Variants in CENPW observed in about 807,000 individuals in gnomAD.
CENPW encodes the protein centromere protein W.
In CENPW, 3 loss-of-function variants were observed where a neutral mutation model predicts 11.1. The observed-to-expected ratio is 0.27, with a 90% CI of 0.12 to 0.70. The LOEUF (loss-of-function observed/expected upper bound fraction) is 0.70. CENPW is among the 30% of genes least tolerant of loss of function. The probability of loss-of-function intolerance (pLI) is 0.77; values close to 1 mark genes in which losing one functional copy is unlikely to be tolerated. For missense variants in CENPW, 100 were observed against 105.6 expected (o/e 0.95, Z 0.23); for synonymous variants, 38 against 42.0 (o/e 0.91, Z 0.37).
At chr6:126,444,328 A>AT in the CENPW span, among the ~76,000 whole-genome samples, 1 of 150,112 alleles carries the variant, frequency 6.7e-6, no homozygotes, top group Non-Finnish European at 1.5e-5. Flanking sequence ...TATGTGTTTG[A>AT]TTTTGCTTGC....
the CENPW span, among the ~76,000 whole-genome samples, chr6:126,366,923 T>C: frequency 8.5e-3 from 1,300 of 152,274 alleles, 13 homozygotes; most frequent in African/African-American, 0.03. Flanking sequence ...GAGATGGAAC[T>C]TGCAGCCTAA....
At chr6:126,370,022 A>G in the CENPW span, among the ~76,000 whole-genome samples, 1 of 152,160 alleles carries the variant, frequency 6.6e-6, no homozygotes, top group Non-Finnish European at 1.5e-5. Flanking sequence ...CATTTGTTGA[A>G]TAGGGTGTCC....
the CENPW span, among the ~76,000 whole-genome samples, chr6:126,395,795 A>G: frequency 1.3e-5 from 2 of 152,208 alleles, no homozygotes; most frequent in African/African-American, 4.8e-5. Context: ...TCATAGAGGT[A>G]TCACCTTGGT....
the CENPW span, among the ~76,000 whole-genome samples, chr6:126,409,397 T>A: frequency 6.6e-6 from 1 of 151,728 alleles, no homozygotes; most frequent in Non-Finnish European, 1.5e-5. Flanking sequence ...TGTGAATTCT[T>A]CAGCTGTTGG....
the CENPW span, among the ~76,000 whole-genome samples, chr6:126,394,842 GT>G: frequency 2.8e-4 from 40 of 145,366 alleles, no homozygotes; most frequent in African/African-American, 7.0e-4. Flanking sequence ...TATACTAAAA[GT>G]TTTTTTTTTT....
chr6:126,342,567 A>G (rs866491344), intron 1 of CENPW, among the ~76,000 whole-genome samples: 1 of 151,876 alleles, frequency 6.6e-6, no homozygotes, highest in Non-Finnish European at 1.5e-5. Flanking sequence ...TGTACATGGT[A>G]TTTCTTCTGC....
At chr6:126,440,939 G>A in the CENPW span, among the ~76,000 whole-genome samples, 1 of 151,346 alleles carries the variant, frequency 6.6e-6, no homozygotes, top group Non-Finnish European at 1.5e-5. Flanking sequence ...AGACCACAAC[G>A]GAAGATATTT....
At chr6:126,400,713 G>A in the CENPW span, among the ~76,000 whole-genome samples, 2 of 151,804 alleles carry the variant, frequency 1.3e-5, no homozygotes, top group African/African-American at 4.8e-5. Flanking sequence ...ATGTTTTGTT[G>A]TTGTTTTATG....
chr6:126,429,477 C>T, the CENPW span, among the ~76,000 whole-genome samples: 1 of 151,908 alleles, frequency 6.6e-6, no homozygotes. Flanking sequence ...TGTGGCACCT[C>T]CCCCCAACTC....
the CENPW span, among the ~76,000 whole-genome samples, chr6:126,455,420 G>A: frequency 2.6e-5 from 4 of 151,392 alleles, no homozygotes; most frequent in Non-Finnish European, 5.9e-5. Flanking sequence ...TTCAACATAT[G>A]CAAATCAATA....
chr6:126,412,221 C>G, the CENPW span, among the ~76,000 whole-genome samples: 1 of 151,396 alleles, frequency 6.6e-6, no homozygotes, highest in African/African-American at 2.4e-5. Context: ...CTCCAAGGCT[C>G]AAGTGATTCT....
chr6:126,363,139 A>G, the CENPW span, among the ~76,000 whole-genome samples: 1 of 152,176 alleles, frequency 6.6e-6, no homozygotes, highest in Non-Finnish European at 1.5e-5. Context: ...AGTTTCTGGG[A>G]TTTCTGTGTT....
the CENPW span, among the ~76,000 whole-genome samples, chr6:126,421,576 C>CA: frequency 1.5e-5 from 2 of 135,062 alleles, no homozygotes; most frequent in Non-Finnish European, 3.2e-5. Flanking sequence ...CCTTTTCTAA[C>CA]ACTTTCTTTT....
chr6:126,452,439 CG>C, the CENPW span, among the ~76,000 whole-genome samples: 1 of 150,820 alleles, frequency 6.6e-6, no homozygotes, highest in African/African-American at 2.4e-5. Flanking sequence ...TACAGGAGAA[CG>C]TATTAGAAAT....
At chr6:126,459,437 G>A in the CENPW span, among the ~76,000 whole-genome samples, 7 of 151,490 alleles carry the variant, frequency 4.6e-5, no homozygotes, top group Non-Finnish European at 1.5e-5. Flanking sequence ...CTTAAAAGAT[G>A]ATTTACAAAA....
chr6:126,346,470 A>G (rs1780413662), intron 2 of CENPW, 152 bp downstream of exon 2: 1 of 480,480 alleles, frequency 2.1e-6, no homozygotes, highest in Non-Finnish European at 3.8e-6. Flanking sequence ...TTAAGGAGTT[A>G]TATTTCCTCC....
At chr6:126,372,823 T>C in the CENPW span, among the ~76,000 whole-genome samples, 1 of 152,194 alleles carries the variant, frequency 6.6e-6, no homozygotes, top group Admixed American at 6.5e-5. Context: ...TTTCTGGAAA[T>C]GCAATCATTT....
At chr6:126,463,236 T>A in the CENPW span, among the ~76,000 whole-genome samples, 1 of 151,946 alleles carries the variant, frequency 6.6e-6, no homozygotes, top group Non-Finnish European at 1.5e-5. Flanking sequence ...GTTTTTAGAG[T>A]GGTTTGGAGA....
the CENPW span, among the ~76,000 whole-genome samples, chr6:126,355,152 G>A: frequency 1.3e-5 from 2 of 151,868 alleles, no homozygotes; most frequent in Non-Finnish European, 2.9e-5. Flanking sequence ...AATAATTACT[G>A]TTTAGAAATT....
Sources: allele counts gnomAD v4.1 joint callset (sites outside exome capture counted in the v4.1 genomes callset), GRCh38; gene constraint gnomAD v4.1.1; transcripts MANE v1.5; gene names NCBI Gene and HGNC (gene_info 2026-07-23, HGNC 2026-07-21).